The following ZFHX4 variants were observed in gnomAD, a reference collection of about 807,000 sequenced individuals.
The protein encoded by ZFHX4 is zinc finger homeobox protein 4.
Under a neutral mutation model 267.6 loss-of-function variants are expected in ZFHX4, and 56 were observed. The observed-to-expected ratio is 0.21, with a 90% CI of 0.17 to 0.26. The LOEUF (loss-of-function observed/expected upper bound fraction) is 0.26. Among genes scored for constraint, ZFHX4 ranks in the 10% least tolerant of loss-of-function variants. ZFHX4 has a pLI of 1.00. For synonymous variants in ZFHX4, 1,778 were observed against 1,665.6 expected (o/e 1.07, Z -1.64); for missense variants, 4,332 against 4,420.0 (o/e 0.98, Z 0.56).
chr8:76,814,959 G>C (rs1315286052), intron 4 of ZFHX4, among the ~76,000 whole-genome samples: 1 of 152,124 alleles, frequency 6.6e-6, no homozygotes, highest in Non-Finnish European at 1.5e-5. Flanking sequence ...AGAATAGCCT[G>C]TAATGGAGAA....
At chr8:76,748,262 A>G (rs985540115) in intron 3 of ZFHX4, among the ~76,000 whole-genome samples, 1 of 152,098 alleles carries the variant, frequency 6.6e-6, no homozygotes. Context: ...TAGCTTCTTC[A>G]TGGATCATCC....
chr8:76,699,363 T>C (rs1418107084), intron 1 of ZFHX4, among the ~76,000 whole-genome samples: 1 of 152,032 alleles, frequency 6.6e-6, no homozygotes, highest in South Asian at 2.1e-4. Context: ...GCTGTCCTTC[T>C]TGCTAATGTT....
At chr8:76,804,740 T>C (rs1369401204) in intron 4 of ZFHX4, among the ~76,000 whole-genome samples, 1 of 3,500 alleles carries the variant, frequency 2.9e-4, no homozygotes, top group Non-Finnish European at 4.9e-4. Context: ...TAAATATTTA[T>C]TTATTTAACC....
chr8:76,828,771 AAAGT>A (rs200655257), intron 4 of ZFHX4, among the ~76,000 whole-genome samples: 2,479 of 152,336 alleles, frequency 0.016, 27 homozygotes, highest in Middle Eastern at 0.031. Context: ...AATTTAAAAA[AAAGT>A]AAGAGTTGGG....
intron 4 of ZFHX4, among the ~76,000 whole-genome samples, chr8:76,790,739 T>TTG (rs35847341): frequency 2.5e-3 from 373 of 151,538 alleles, no homozygotes; most frequent in African/African-American, 8.4e-3. Flanking sequence ...TATTTGGTAT[T>TTG]TGTGTGTGTG....
At chr8:76,756,148 G>A (rs902726724) in intron 3 of ZFHX4, among the ~76,000 whole-genome samples, 2 of 152,098 alleles carry the variant, frequency 1.3e-5, no homozygotes, top group Non-Finnish European at 2.9e-5. Context: ...TCTTTTCAAG[G>A]CCATCATGTA....
At chr8:76,721,874 A>T (rs1056722816) in intron 3 of ZFHX4, among the ~76,000 whole-genome samples, 4 of 152,096 alleles carry the variant, frequency 2.6e-5, no homozygotes, top group Non-Finnish European at 4.4e-5. Context: ...TATGATTTTT[A>T]TGTTTTCATA....
chr8:76,681,825 G>A (rs1334123837), intron 1 of ZFHX4, among the ~76,000 whole-genome samples: 1 of 151,740 alleles, frequency 6.6e-6, no homozygotes, highest in Non-Finnish European at 1.5e-5. Flanking sequence ...CTTCCGCTCT[G>A]CCCCCCTTTT....
At chr8:76,862,110 G>A (rs1252272822) in intron 10 of ZFHX4, among the ~76,000 whole-genome samples, 1 of 152,162 alleles carries the variant, frequency 6.6e-6, no homozygotes, top group Admixed American at 6.5e-5. Flanking sequence ...TCTATCCTGA[G>A]CTGTCCTTCA....
chr8:76,762,631 A>G (rs1809945659), intron 3 of ZFHX4, among the ~76,000 whole-genome samples: 2 of 152,152 alleles, frequency 1.3e-5, no homozygotes, highest in Non-Finnish European at 2.9e-5. Context: ...TTATTACACT[A>G]CTCGTCACAG....
In ZFHX4 at chr8:76,855,631, A is replaced by G. The variant is rs377101312; in HGVS notation, c.8710A>G (p.Ile2904Val). The change falls in exon 10 of 11, where the codon ATA becomes GTA. Residue 2904 changes from isoleucine to valine, a missense_variant. By Grantham distance (29) the Ile-to-Val change is conservative. This residue lies in a region of ZFHX4 where 1,648 missense variants were observed against 1,625.0 expected (regional missense o/e 1.01). Transcript: ENST00000651372. Reference sequence around the variant, plus strand: ...CGCCGACCGCAGCGAAACGTCCAGCATAGCGGACCCGAGCTCCCCAAATCC... The same window carrying G: ...CGCCGACCGCAGCGAAACGTCCAGCGTAGCGGACCCGAGCTCCCCAAATCC... ...DNADRSETSSIADPSSPNPFG... is the reference protein window; with the variant it reads ...DNADRSETSSVADPSSPNPFG... The G allele has an allele frequency of 2.0e-5, 32 of 1,613,810 alleles. No homozygotes were observed. The highest frequency in any genetic ancestry group is 3.3e-5 in the Admixed American group (2 of 60,002).
At chr8:76,835,228 T>TATAC (rs1812046240) in intron 5 of ZFHX4, among the ~76,000 whole-genome samples, 1 of 62,760 alleles carries the variant, frequency 1.6e-5, no homozygotes, top group African/African-American at 8.8e-5. Flanking sequence ...TGTATATATA[T>TATAC]ATATATATAT....
rs1810548081 is a variant in ZFHX4 at position 76,781,559 on chromosome 8, T to TTAAAAAC, written c.3325+3121_3325+3122insAAAAACT. Among the ~76,000 whole-genome samples, 3 of 152,204 alleles carry TTAAAAAC rather than the reference T, an allele frequency of 2.0e-5. No homozygotes were observed. In the East Asian group the frequency reaches 5.8e-4, roughly 29 times the overall value. ...GGGTTTCTTAACTTTTCATTTGATT[T>TTAAAAAC]TGTTGGCATTGTGGATGCATAATTT... is the stretch of plus-strand genomic sequence containing the variant. On this transcript the variant is annotated intron_variant, in intron 4 of 10. Transcript: ENST00000651372.
intron 4 of ZFHX4, among the ~76,000 whole-genome samples, chr8:76,780,238 A>G (rs1462353101): frequency 1.3e-5 from 2 of 152,144 alleles, no homozygotes; most frequent in Admixed American, 1.3e-4. Context: ...ATGTCTTACA[A>G]TGTGTTTTAA....
intron 1 of ZFHX4, among the ~76,000 whole-genome samples, chr8:76,689,170 G>A (rs1481313516): frequency 6.6e-6 from 1 of 152,018 alleles, no homozygotes; most frequent in Non-Finnish European, 1.5e-5. Flanking sequence ...TCCACATGGA[G>A]GCTATTCTTT....
intron 3 of ZFHX4, among the ~76,000 whole-genome samples, chr8:76,744,494 C>T (rs141967561): frequency 1.4e-4 from 22 of 151,958 alleles, no homozygotes; most frequent in African/African-American, 5.3e-4. Flanking sequence ...CTCACGGCAA[C>T]CTACACCTCC....
chr8:76,720,023 T>A lies in ZFHX4; in HGVS notation c.3093+11975T>A, dbSNP rs865869017. On this transcript the variant is annotated intron_variant, in intron 3 of 10. Transcript: ENST00000651372. Reference sequence around the variant, plus strand: ...CAATTCTATTGAAATATAATTCATATGCCATTCAACTAATCCATTTAAAGG... The same window carrying A: ...CAATTCTATTGAAATATAATTCATAAGCCATTCAACTAATCCATTTAAAGG... 2.0e-5 allele frequency among the ~76,000 whole-genome samples: 3 copies of A among 152,318 alleles called. No individual in the cohort carries two copies. The South Asian group carries it at 6.2e-4, about 32-fold the overall frequency.
intron 4 of ZFHX4, among the ~76,000 whole-genome samples, chr8:76,823,981 G>C (rs1182375655): frequency 6.6e-6 from 1 of 152,164 alleles, no homozygotes; most frequent in East Asian, 1.9e-4. Flanking sequence ...TGCATACCTA[G>C]AGATGGTGAT....
intron 8 of ZFHX4, 115 bp from the exon 9 acceptor site, chr8:76,850,130 C>A: frequency 1.2e-6 from 1 of 815,352 alleles, no homozygotes; most frequent in Non-Finnish European, 2.0e-6. Flanking sequence ...CAAAACATCC[C>A]TGCTTTGGCT....
Sources: gnomAD v4.1 joint callset for allele counts (sites outside exome capture counted in the v4.1 genomes callset) on GRCh38, gnomAD v4.1.1 for gene constraint, gnomAD v4.1.1 regional missense constraint, MANE v1.5 for transcripts, NCBI Gene and HGNC (gene_info 2026-07-23, HGNC 2026-07-21) for gene names.